Variants in DMC1 observed in about 807,000 individuals in gnomAD.
DMC1 encodes DNA meiotic recombinase 1, also known as meiotic recombination protein DMC1 homolog.
Under a neutral mutation model 50.1 loss-of-function variants are expected in DMC1, and 27 were observed. The observed-to-expected ratio is 0.54, with a 90% confidence interval of 0.40 to 0.74. The LOEUF (loss-of-function observed/expected upper bound fraction) is 0.74, where lower values mean the gene tolerates loss of function less well. Ranked by LOEUF, DMC1 falls within the 30% of genes least tolerant of loss-of-function variation. The pLI, the probability that DMC1 is intolerant of heterozygous loss-of-function variation, is 0.00. For missense variants in DMC1, 295 were observed against 420.2 expected, an observed-to-expected ratio of 0.70 and a Z score of 2.60; for synonymous variants, 148 against 136.1, an observed-to-expected ratio of 1.09 and a Z score of -0.61.
At position 38,520,047 on chromosome 22, in the gene DMC1, A is replaced by G. The variant is rs1177479130; in HGVS notation, c.996T>C (p.Ala332=). ...PENEATFAIT[A]GGIGDAKE The stretch of plus-strand genomic sequence containing the variant: ...ACTCCTTGGCATCCCCAATTCCTCC[A>G]GCAGTTATTGCGAAGGTGGCTTCAT... The change falls in exon 14 of 14, where the codon GCT becomes GCC. Residue 332 remains alanine (A), a synonymous_variant. Coordinates refer to ENST00000216024, the MANE Select transcript of DMC1 (RefSeq NM_007068.4). 1 of 1,613,586 alleles carries G rather than the reference A, an allele frequency of 6.2e-7. No individual in the cohort carries two copies. The highest frequency in any genetic ancestry group is 8.5e-7 in the Non-Finnish European group (1 of 1,179,728).
At chr22:38,524,200 G>C (rs1410141365) in intron 12 of DMC1, among the ~76,000 whole-genome samples, 1 of 152,166 alleles carries the variant, frequency 6.6e-6, no homozygotes, top group Non-Finnish European at 1.5e-5. Context: ...CAGATTGCAA[G>C]GTCAGGAGTT....
At chr22:38,521,453 C>T (rs1294464916) in intron 13 of DMC1, among the ~76,000 whole-genome samples, 155 bp downstream of exon 13, 1 of 151,528 alleles carries the variant, frequency 6.6e-6, no homozygotes, top group African/African-American at 2.4e-5. Context: ...CCTATAGTCC[C>T]AGCACTTTGG....
At chr22:38,550,019 A>G in intron 7 of DMC1, 22 bp from the exon 8 acceptor site, 1 of 1,578,658 alleles carries the variant, frequency 6.3e-7, no homozygotes, top group East Asian at 2.3e-5. Context: ...TTAAAAATTT[A>G]TATTAATAGG....
intron 8 of DMC1, among the ~76,000 whole-genome samples, chr22:38,548,962 CA>C (rs2090374578): frequency 1.3e-5 from 2 of 152,130 alleles, no homozygotes; most frequent in African/African-American, 4.8e-5. Context: ...AGTATCTAGA[CA>C]AAAAACCTGA....
Position 38,535,492 on chromosome 22 carries a change from T to G in DMC1, c.836+2100A>C, listed in dbSNP as rs1269489522. On this transcript the variant is annotated intron_variant, in intron 12 of 13. Transcript: ENST00000216024. The stretch of plus-strand genomic sequence containing the variant: ...TTAACAACTGATGAACCTAGATAAA[T>G]GAGTATGTCTTGCTCTGTCTCCCAG... Among the ~76,000 whole-genome samples the G allele has an allele frequency of 4.6e-5, 7 of 151,916 alleles. No homozygotes were observed. The East Asian group carries it at 1.4e-3, about 29-fold the overall frequency.
intron 12 of DMC1, among the ~76,000 whole-genome samples, chr22:38,526,306 G>A (rs560836571): frequency 2.2e-4 from 34 of 152,132 alleles, no homozygotes; most frequent in African/African-American, 8.2e-4. Flanking sequence ...CCGGGTTCAA[G>A]CGATTCTCCT....
chr22:38,568,245 A>G lies in DMC1; in HGVS notation c.12T>C (p.Asp4=), dbSNP rs372546478. Residue 4 remains aspartate, a synonymous_variant, in exon 2 of 14, where the codon GAT becomes GAC. Transcript: ENST00000216024. The part of the protein sequence containing the change: MKE[D]QVVAEEPGFQ... ...ATCCTGGTTCTTCCGCCACAACTTG[A>G]TCCTCCTTCATATTGAAAAGTGGGC... 6.2e-7 allele frequency: 1 copy of G among 1,614,144 alleles called. No individual in the cohort carries two copies. Among genetic ancestry groups the G allele is most frequent in the Non-Finnish European group, 8.5e-7 (1 of 1,180,008 alleles).
chr22:38,511,070 G>A, the DMC1 span, among the ~76,000 whole-genome samples: 2 of 145,498 alleles, frequency 1.4e-5, no homozygotes, highest in African/African-American at 2.6e-5. Flanking sequence ...GGCATTTGAG[G>A]TTGCATTGAG....
chr22:38,548,356 T>A (rs753399955), intron 8 of DMC1, among the ~76,000 whole-genome samples: 4 of 152,200 alleles, frequency 2.6e-5, no homozygotes, highest in Non-Finnish European at 5.9e-5. Flanking sequence ...GGCAGATCGC[T>A]TGAGCCCAGG....
chr22:38,520,406 C>T (rs964615500), intron 13 of DMC1, among the ~76,000 whole-genome samples: 4 of 151,820 alleles, frequency 2.6e-5, no homozygotes, highest in Non-Finnish European at 5.9e-5. Context: ...GCTCTTGTCC[C>T]CCAGGCAATG....
the DMC1 span, among the ~76,000 whole-genome samples, chr22:38,510,437 A>G: frequency 4.6e-5 from 7 of 152,316 alleles, no homozygotes; most frequent in East Asian, 1.3e-3. Flanking sequence ...CCTGAGCGAC[A>G]GAGCAAGACT....
intron 12 of DMC1, among the ~76,000 whole-genome samples, chr22:38,523,526 T>A (rs780318192): frequency 3.9e-5 from 6 of 152,208 alleles, no homozygotes; most frequent in Non-Finnish European, 8.8e-5. Flanking sequence ...TACTATTATT[T>A]ATTTACTTAT....
chr22:38,524,807 G>A (rs993779854), intron 12 of DMC1, among the ~76,000 whole-genome samples: 1 of 151,950 alleles, frequency 6.6e-6, no homozygotes, highest in African/African-American at 2.4e-5. Flanking sequence ...ACAGGTGGGC[G>A]CAGTAGCACT....
downstream of DMC1, among the ~76,000 whole-genome samples, chr22:38,516,754 G>C (rs1188936649): frequency 6.6e-6 from 1 of 152,146 alleles, no homozygotes; most frequent in African/African-American, 2.4e-5. Flanking sequence ...TTGGGCCATG[G>C]CCTTTGTTGA....
At chr22:38,552,402 G>A (rs1349172678) in intron 7 of DMC1, among the ~76,000 whole-genome samples, 1 of 152,072 alleles carries the variant, frequency 6.6e-6, no homozygotes, top group Non-Finnish European at 1.5e-5. Context: ...TGAGACAGTG[G>A]ACTCCTCACC....
intron 12 of DMC1, among the ~76,000 whole-genome samples, chr22:38,529,139 T>C (rs1267306025): frequency 6.6e-6 from 1 of 152,110 alleles, no homozygotes; most frequent in East Asian, 1.9e-4. Context: ...GCCTCCCAAG[T>C]AGCTGGGACT....
At chr22:38,563,583 G>A (rs1443003720) in intron 4 of DMC1, among the ~76,000 whole-genome samples, 1 of 152,060 alleles carries the variant, frequency 6.6e-6, no homozygotes, top group African/African-American at 2.4e-5. Flanking sequence ...ACTGGGTGCA[G>A]TAGCTCACAC....
Position 38,552,785 on chromosome 22 carries a change from G to A in DMC1, c.380-78C>T. 7 of 920,256 alleles carry A rather than the reference G, an allele frequency of 7.6e-6. No individual in the cohort carries two copies. In the South Asian group the frequency reaches 8.5e-5, roughly 11 times the overall value. The allele number at this position is 920,256 out of a possible 1,614,324, so 57.0% of individuals were successfully genotyped here. ...TCATAAAGAATAAAACATGGCTTTA[G>A]AATATTACTGTTTTCTTTTTCTTTT... is the stretch of plus-strand genomic sequence containing the variant. On this transcript the variant is annotated intron_variant, in intron 6 of 13. Coordinates refer to ENST00000216024, the MANE Select transcript of DMC1 (RefSeq NM_007068.4).
chr22:38,566,258 G>A, intron 4 of DMC1, among the ~76,000 whole-genome samples: 1 of 144,370 alleles, frequency 6.9e-6, no homozygotes, highest in Non-Finnish European at 1.5e-5. Context: ...TGGCGACAGA[G>A]CAAGACTCTG....
Sources: gnomAD v4.1 joint callset for allele counts (sites outside exome capture counted in the v4.1 genomes callset) on GRCh38, gnomAD v4.1.1 for gene constraint, MANE v1.5 for transcripts, NCBI Gene and HGNC (gene_info 2026-07-23, HGNC 2026-07-21) for gene names.